Variants in FAT4 observed in about 807,000 individuals in gnomAD.
FAT4 encodes the protein protocadherin Fat 4.
In FAT4, 84 loss-of-function variants were observed where a neutral mutation model predicts 303.9. The observed-to-expected ratio is 0.28, with a 90% CI of 0.23 to 0.33. The LOEUF is 0.33. FAT4 is among the 10% of genes least tolerant of loss of function. The pLI is 1.00. For missense variants in FAT4, 6,005 were observed against 6,146.8 expected (o/e 0.98, Z 0.77); for synonymous variants, 2,307 against 2,298.8 (o/e 1.00, Z -0.10).
chr4:125,368,419 G>T (rs1732967672), intron 2 of FAT4, among the ~76,000 whole-genome samples: 1 of 150,692 alleles, frequency 6.6e-6, no homozygotes, highest in South Asian at 2.1e-4. Flanking sequence ...TGGGAATTGA[G>T]CCAATGTGCC....
intron 2 of FAT4, among the ~76,000 whole-genome samples, chr4:125,334,401 G>A (rs1228833315): frequency 6.6e-6 from 1 of 151,908 alleles, no homozygotes; most frequent in East Asian, 1.9e-4. Context: ...AAAGATCCTG[G>A]ATCCACCAAC....
At chr4:125,384,809 A>T (rs1176868159) in intron 2 of FAT4, among the ~76,000 whole-genome samples, 5 of 151,966 alleles carry the variant, frequency 3.3e-5, no homozygotes, top group South Asian at 2.1e-4. Context: ...TTGTATCCTA[A>T]GCAACAAGCA....
In FAT4 at chr4:125,457,148, CA is replaced by C. The variant is rs1350457200; in HGVS notation, c.11800+4339del. ...ACACACACACACACACACACACACA[CA>C]CACACACCACTGAGTATTTTATGTG... is the stretch of plus-strand genomic sequence containing the variant. On this transcript the variant is annotated intron_variant, in intron 10 of 17. Coordinates refer to ENST00000394329, the MANE Select transcript of FAT4 (RefSeq NM_001291303.3). Among the ~76,000 whole-genome samples, 17 of 131,778 alleles carry C rather than the reference CA, an allele frequency of 1.3e-4. No individual in the cohort carries two copies. In the South Asian group the frequency reaches 1.5e-3, roughly 12 times the overall value. 86.5% of individuals were successfully genotyped at this position (131,778 alleles called of 152,430 possible).
At chr4:125,329,682 A>C (rs1274838219) in intron 2 of FAT4, among the ~76,000 whole-genome samples, 2 of 152,150 alleles carry the variant, frequency 1.3e-5, no homozygotes, top group African/African-American at 4.8e-5. Context: ...TCGTATAACC[A>C]ATCACTTATT....
intron 2 of FAT4, among the ~76,000 whole-genome samples, chr4:125,340,180 CA>C (rs1731729150): frequency 6.6e-6 from 1 of 151,678 alleles, no homozygotes; most frequent in Non-Finnish European, 1.5e-5. Context: ...ATTTTAAATT[CA>C]AAAAATATTT....
At chr4:125,457,121 A>G (rs1025430488) in intron 10 of FAT4, among the ~76,000 whole-genome samples, 2 of 110,664 alleles carry the variant, frequency 1.8e-5, no homozygotes, top group Admixed American at 1.8e-4. Flanking sequence ...AGTTTCTCTC[A>G]TACACACACA....
intron 11 of FAT4, among the ~76,000 whole-genome samples, chr4:125,465,498 A>G (rs1229950502): frequency 6.6e-6 from 1 of 152,126 alleles, no homozygotes; most frequent in Non-Finnish European, 1.5e-5. Context: ...TCATATTTTT[A>G]GGGATCCCTT....
intron 12 of FAT4, among the ~76,000 whole-genome samples, chr4:125,475,206 T>C (rs1389728961): frequency 6.6e-6 from 1 of 152,086 alleles, no homozygotes; most frequent in Non-Finnish European, 1.5e-5. Context: ...AAGTTTGTCA[T>C]TTGTCAAATT....
At chr4:125,347,777 T>G (rs1226408636) in intron 2 of FAT4, among the ~76,000 whole-genome samples, 2 of 151,758 alleles carry the variant, frequency 1.3e-5, no homozygotes, top group African/African-American at 4.8e-5. Context: ...TTACTAAAAT[T>G]TTAAGAAGAC....
Position 125,491,866 on chromosome 4 carries a change from C to A in FAT4, c.*98C>A. 1 of 1,233,412 alleles carries A rather than the reference C, an allele frequency of 8.1e-7. No individual in the cohort carries two copies. Among genetic ancestry groups the A allele is most frequent in the Non-Finnish European group, 1.1e-6 (1 of 898,508 alleles). 76.4% of individuals were successfully genotyped at this position (1,233,412 alleles called of 1,614,324 possible). On this transcript the variant is annotated 3_prime_UTR_variant, in exon 18 of 18. Transcript: ENST00000394329. ...GTTGGGTCACATTTGAAAAACAGGC[C>A]AGTATGGACTAGTGGTGGAGGGAAA... is the stretch of plus-strand genomic sequence containing the variant.
chr4:125,349,114 A>C (rs911632238), intron 2 of FAT4, among the ~76,000 whole-genome samples: 1 of 151,820 alleles, frequency 6.6e-6, no homozygotes, highest in Admixed American at 6.6e-5. Flanking sequence ...TATGAAAATT[A>C]GGACTCTTAA....
rs747146830 is a variant in FAT4, at chr4:125,451,743, A to C, written c.10733A>C (p.Gln3578Pro). The change falls in exon 10 of 18, where the codon CAG becomes CCG. Residue 3578 changes from glutamine (Q) to proline (P), a missense_variant. Physicochemically the swap from Gln to Pro is moderately conservative, Grantham distance 76. Transcript: ENST00000394329. Reference protein sequence around the residue: ...LSTTREIDREQIADFYLSVVT... With the variant: ...LSTTREIDREPIADFYLSVVT... ...ACAACCAGAGAGATTGACAGAGAGC[A>C]GATTGCAGACTTCTATCTGTCTGTG... 6.2e-7 allele frequency: 1 copy of C among 1,614,234 alleles called. No individual in the cohort carries two copies. Among genetic ancestry groups the C allele is most frequent in the South Asian group, 1.1e-5 (1 of 91,088 alleles).
intron 16 of FAT4, among the ~76,000 whole-genome samples, chr4:125,483,980 T>G (rs1166600943): frequency 4.4e-5 from 6 of 135,060 alleles, no homozygotes; most frequent in Admixed American, 3.8e-4. Context: ...ATCCTTTCTT[T>G]AACTCTTTCT....
At chr4:125,425,394 T>A (rs1725052638) in intron 7 of FAT4, among the ~76,000 whole-genome samples, 1 of 152,142 alleles carries the variant, frequency 6.6e-6, no homozygotes, top group Non-Finnish European at 1.5e-5. Flanking sequence ...GTCTACCATA[T>A]TCTGTTTTAT....
chr4:125,415,628 C>A lies in FAT4; in HGVS notation c.6665C>A (p.Thr2222Asn). The change falls in exon 6 of 18, where the codon ACC (threonine) becomes AAC (asparagine). Residue 2222 changes from threonine to asparagine, a missense_variant. Coordinates refer to ENST00000394329, the MANE Select transcript of FAT4 (RefSeq NM_001291303.3). Reference sequence around the variant, plus strand: ...GCTAAACCTTTGGATAGAGAAAAGACCCCTACCTACCATTTAACTGTTCAG... The same window carrying A: ...GCTAAACCTTTGGATAGAGAAAAGAACCCTACCTACCATTTAACTGTTCAG... ...TVAKPLDREK[T>N]PTYHLTVQAT... is the part of the protein sequence containing the mutation. 6.2e-7 allele frequency: 1 copy of A among 1,613,992 alleles called. No homozygotes were observed. The highest frequency in any genetic ancestry group is 8.5e-7 in the Non-Finnish European group (1 of 1,179,964).
intron 2 of FAT4, among the ~76,000 whole-genome samples, chr4:125,372,139 G>T (rs918443839): frequency 6.6e-6 from 1 of 151,778 alleles, no homozygotes; most frequent in Non-Finnish European, 1.5e-5. Flanking sequence ...ATGTGCTTAG[G>T]AGTTCAAAAC....
chr4:125,445,485 G>A (rs1156491437), intron 8 of FAT4, among the ~76,000 whole-genome samples: 1 of 152,076 alleles, frequency 6.6e-6, no homozygotes, highest in African/African-American at 2.4e-5. Context: ...CTATTTCCAT[G>A]CTATCTTTCA....
chr4:125,450,397 C>G lies in FAT4; in HGVS notation c.9387C>G (p.Ser3129Arg). ...CGATGAATGGCTTGATTAAGTACAG[C>G]ATTTCTTCAGGAAATGAAGAAGGCA... ...DAAMNGLIKY[S>R]ISSGNEEGIF... The change falls in exon 10 of 18, where the codon AGC (serine) becomes AGG (arginine). Residue 3129 changes from serine to arginine, a missense_variant. Ser to Arg is a moderately radical substitution (Grantham distance 110). Coordinates refer to ENST00000394329, the MANE Select transcript of FAT4 (RefSeq NM_001291303.3). The G allele has an allele frequency of 6.2e-7, 1 of 1,614,008 alleles. No individual in the cohort carries two copies. The highest frequency in any genetic ancestry group is 1.6e-4 in the Middle Eastern group (1 of 6,062).
Position 125,319,351 on chromosome 4 carries a change from C to T in FAT4, c.2940C>T (p.Val980=). The T allele has an allele frequency of 6.2e-7, 1 of 1,612,916 alleles. No individual in the cohort carries two copies. Among genetic ancestry groups the T allele is most frequent in the Non-Finnish European group, 8.5e-7 (1 of 1,179,112 alleles). The change falls in exon 2 of 18, where the codon GTC becomes GTT. Residue 980 remains valine, a synonymous_variant. Transcript: ENST00000394329. The part of the protein sequence containing the change: ...DMGVPQLSSS[V]ILTVYVHDVN... Reference sequence around the variant, plus strand: ...GTGTCCCACAGCTCTCCTCTAGTGTCATCTTAACAGTTTATGTCCATGATG... The same window carrying T: ...GTGTCCCACAGCTCTCCTCTAGTGTTATCTTAACAGTTTATGTCCATGATG...
Sources: allele counts gnomAD v4.1 joint callset (sites outside exome capture counted in the v4.1 genomes callset), GRCh38; gene constraint gnomAD v4.1.1; transcripts MANE v1.5; gene names NCBI Gene and HGNC (gene_info 2026-07-23, HGNC 2026-07-21).